Variants in ANKRD11 observed in about 807,000 individuals in gnomAD.
ANKRD11 encodes ankyrin repeat domain 11.
In ANKRD11, 17 loss-of-function variants were observed where a neutral mutation model predicts 195.7. That is an observed-to-expected ratio of 0.09 (90% CI 0.06 to 0.13). ANKRD11 has a LOEUF of 0.13. Ranked by LOEUF, ANKRD11 falls within the 10% of genes least tolerant of loss-of-function variation. ANKRD11 has a pLI of 1.00. For synonymous variants in ANKRD11, 1,953 were observed against 1,528.1 expected, an observed-to-expected ratio of 1.28 and a Z score of -6.49; for missense variants, 3,735 against 3,566.1, an observed-to-expected ratio of 1.05 and a Z score of -1.21.
At chr16:89,356,124 A>T (rs942321072) in intron 2 of ANKRD11, among the ~76,000 whole-genome samples, 1 of 152,204 alleles carries the variant, frequency 6.6e-6, no homozygotes, top group Admixed American at 6.5e-5. Context: ...GTTACTATGA[A>T]CTAGTGCTTT....
chr16:89,404,740 C>T (rs1388635902), intron 2 of ANKRD11, among the ~76,000 whole-genome samples: 4 of 152,248 alleles, frequency 2.6e-5, no homozygotes, highest in African/African-American at 9.6e-5. Flanking sequence ...CAGGCAGGGA[C>T]AGGCCCAGCT....
In ANKRD11 at chr16:89,282,653, T is replaced by C. The variant is rs1261759046; in HGVS notation, c.3889A>G (p.Asn1297Asp). ...EALHEYREDS[N>D]DKISEVSSDS... ...GAGGAGACCTCGCTGATTTTATCGT[T>C]GGAGTCTTCTCTGTACTCATGGAGA... Residue 1297 changes from asparagine (N) to aspartate (D), a missense_variant, in exon 9 of 13, where the codon AAC becomes GAC. Asn to Asp is a conservative substitution (Grantham distance 23). Transcript: ENST00000301030. 1.9e-6 allele frequency: 3 copies of C among 1,614,188 alleles called. No individual in the cohort carries two copies. The highest frequency in any genetic ancestry group is 2.5e-6 in the Non-Finnish European group (3 of 1,180,032).
chr16:89,459,127 G>A, intron 1 of ANKRD11: 1 of 193,100 alleles, frequency 5.2e-6, no homozygotes, highest in Non-Finnish European at 1.1e-5. Flanking sequence ...ATAAATTCTT[G>A]ATGAGTTTCT....
intron 11 of ANKRD11, chr16:89,272,970 G>A (rs989905219): frequency 2.7e-5 from 4 of 148,650 alleles, no homozygotes; most frequent in Non-Finnish European, 1.5e-5. Flanking sequence ...TGGACACAGA[G>A]TAGAACGACG....
chr16:89,278,546 G>C (rs748410265), intron 9 of ANKRD11: 2 of 456,916 alleles, frequency 4.4e-6, no homozygotes, highest in African/African-American at 2.0e-5. Flanking sequence ...GTGGAACAAG[G>C]TGAGGCTGGG....
intron 1 of ANKRD11, among the ~76,000 whole-genome samples, chr16:89,447,707 G>C (rs1321809127): frequency 6.6e-6 from 1 of 152,102 alleles, no homozygotes; most frequent in Non-Finnish European, 1.5e-5. Flanking sequence ...AAAGTGCTGG[G>C]ATTACAGGCG....
intron 1 of ANKRD11, among the ~76,000 whole-genome samples, chr16:89,469,640 T>G (rs1358933221): frequency 6.6e-6 from 1 of 151,504 alleles, no homozygotes; most frequent in African/African-American, 2.4e-5. Context: ...GGCTCACACC[T>G]GTAATTCCAG....
At chr16:89,349,909 CACATAT>C (rs765817968) in intron 2 of ANKRD11, among the ~76,000 whole-genome samples, 4 of 100,372 alleles carry the variant, frequency 4.0e-5, no homozygotes, top group Admixed American at 1.9e-4. Context: ...CACACACACA[CACATAT>C]TCAAACAACA....
chr16:89,356,279 T>C (rs541383467), intron 2 of ANKRD11, among the ~76,000 whole-genome samples: 8 of 151,758 alleles, frequency 5.3e-5, no homozygotes, highest in African/African-American at 1.9e-4. Flanking sequence ...GACATCTTTG[T>C]CAAGGGAGTA....
chr16:89,361,789 G>C (rs941698216), intron 2 of ANKRD11: 1 of 152,162 alleles, frequency 6.6e-6, no homozygotes, highest in Non-Finnish European at 1.5e-5. Context: ...GAAGTACAAA[G>C]TAAAAAGATT....
intron 3 of ANKRD11, among the ~76,000 whole-genome samples, chr16:89,315,759 C>T (rs1034053634): frequency 6.6e-6 from 1 of 152,226 alleles, no homozygotes; most frequent in African/African-American, 2.4e-5. Flanking sequence ...TCACAAAATG[C>T]TTCACGATTC....
chr16:89,427,157 T>C (rs74728364), intron 1 of ANKRD11, among the ~76,000 whole-genome samples: 3,109 of 152,288 alleles, frequency 0.02, 117 homozygotes, highest in African/African-American at 0.071. Context: ...TAAGGAAACA[T>C]TTCCATTTAA....
chr16:89,313,373 C>T, intron 3 of ANKRD11: 2 of 1,287,994 alleles, frequency 1.6e-6, no homozygotes, highest in Non-Finnish European at 2.0e-6. Flanking sequence ...CCCGAGGCAG[C>T]TCAGCGGTTC....
rs978751421 is a variant in ANKRD11, at chr16:89,295,683, G to A, written c.227-4500C>T. On this transcript the variant is annotated intron_variant, in intron 4 of 12. Transcript: ENST00000301030. ...TTCTGAGGCAGCAGAGACTGGAGGC[G>A]AGCGTCCCGAGGCAAACGGCGGTGG... Among the ~76,000 whole-genome samples the A allele has an allele frequency of 3.6e-4, 54 of 151,846 alleles. 3 individuals are homozygous for A. The highest frequency in any genetic ancestry group is 1.5e-5 in the Non-Finnish European group (1 of 67,924).
At position 89,285,896 on chromosome 16, in the gene ANKRD11, G is replaced by C. The variant is rs1416004171; in HGVS notation, c.892+143C>G. ...TCTCGGCAGTGACACACCTGGGCGG[G>C]GTCTCCCGCAGTCCAGAAGCTCCTG... On this transcript the variant is annotated intron_variant, in intron 8 of 12. Transcript: ENST00000301030. The surrounding 1 kb of genome is among the most constrained non-coding windows in gnomAD (Gnocchi z 5.6). The C allele has an allele frequency of 3.0e-5, 40 of 1,324,946 alleles. No homozygotes were observed. Among genetic ancestry groups the C allele is most frequent in the Admixed American group, 3.7e-5 (2 of 53,736 alleles). 82.1% of individuals were successfully genotyped at this position (1,324,946 alleles called of 1,614,324 possible). A position where few individuals can be genotyped will look rare whatever the true frequency, so the allele number is the denominator to read the frequency against.
chr16:89,410,440 A>C (rs1202473686), intron 2 of ANKRD11, among the ~76,000 whole-genome samples: 1 of 152,224 alleles, frequency 6.6e-6, no homozygotes, highest in East Asian at 1.9e-4. Flanking sequence ...GTTGGGAGTG[A>C]TGGTCTTAGC....
At chr16:89,312,698 G>A (rs1266791477) in intron 3 of ANKRD11, among the ~76,000 whole-genome samples, 1 of 152,182 alleles carries the variant, frequency 6.6e-6, no homozygotes, top group East Asian at 1.9e-4. Context: ...CTGTGCTCTC[G>A]CCATCAGACA....
At chr16:89,390,414 G>A (rs2041138272) in intron 2 of ANKRD11, among the ~76,000 whole-genome samples, 1 of 152,208 alleles carries the variant, frequency 6.6e-6, no homozygotes, top group African/African-American at 2.4e-5. Flanking sequence ...GTGTGGCGTG[G>A]GTGAGGTGCA....
chr16:89,471,662 G>A (rs188590736), intron 1 of ANKRD11, among the ~76,000 whole-genome samples: 2 of 151,500 alleles, frequency 1.3e-5, no homozygotes, highest in African/African-American at 4.8e-5. Flanking sequence ...GCGGACACCT[G>A]TAATCCCAGC....
Sources: gnomAD v4.1 joint callset for allele counts (sites outside exome capture counted in the v4.1 genomes callset) on GRCh38, gnomAD v4.1.1 for gene constraint, Gnocchi (gnomAD v3.1) non-coding constraint, MANE v1.5 for transcripts, NCBI Gene and HGNC (gene_info 2026-07-23, HGNC 2026-07-21) for gene names.